The following COQ8A variants were observed in gnomAD, a reference collection of about 807,000 sequenced individuals.
COQ8A encodes coenzyme Q8A, also known as atypical kinase COQ8A, mitochondrial.
A neutral mutation model predicts 65.0 loss-of-function variants in COQ8A; 51 were observed. The ratio of observed to expected loss-of-function variants is 0.78; its 90% CI spans 0.63 to 0.99. The LOEUF is 0.99. Among genes scored for constraint, COQ8A ranks in the 50% least tolerant of loss-of-function variants. The probability of loss-of-function intolerance (pLI) is 0.00; values close to 1 mark genes in which losing one functional copy is unlikely to be tolerated. For synonymous variants in COQ8A, 371 were observed against 353.2 expected, an observed-to-expected ratio of 1.05 and a Z score of -0.57; for missense variants, 940 against 875.0, an observed-to-expected ratio of 1.07 and a Z score of -0.94.
intron 13 of COQ8A, 98 bp downstream of exon 13, chr1:226,985,039 C>T: frequency 2.0e-6 from 3 of 1,475,304 alleles, no homozygotes; most frequent in South Asian, 1.1e-5. Flanking sequence ...GGTTCCTGCC[C>T]TTGTGTCCCC....
intron 1 of COQ8A, among the ~76,000 whole-genome samples, chr1:226,951,414 C>T (rs1657375633): frequency 6.6e-6 from 1 of 152,132 alleles, no homozygotes; most frequent in Admixed American, 6.5e-5. Flanking sequence ...CCCCTCCCAG[C>T]CCCCCAGGCC....
At chr1:226,973,060 G>A (rs1485529446) in intron 4 of COQ8A, among the ~76,000 whole-genome samples, 1 of 152,216 alleles carries the variant, frequency 6.6e-6, no homozygotes, top group Non-Finnish European at 1.5e-5. Flanking sequence ...CAACAGCACT[G>A]TGTGCCCTAA....
In COQ8A at chr1:226,984,905, G is replaced by A; in HGVS notation, c.1536G>A (p.Arg512=). 2.5e-6 allele frequency: 4 copies of A among 1,614,060 alleles called. No individual in the cohort carries two copies. Among genetic ancestry groups the A allele is most frequent in the Non-Finnish European group, 2.5e-6 (3 of 1,180,000 alleles). The part of the protein sequence containing the change: ...KVALLDFGAT[R]EYDRSFTDLY... ...CTCTTTTGGATTTTGGGGCAACGCG[G>A]GAATATGACAGATCCTTCACCGACC... The change falls in exon 13 of 15, where the codon CGG becomes CGA. Residue 512 remains arginine (R), a synonymous_variant. Transcript: ENST00000366777.
intron 1 of COQ8A, among the ~76,000 whole-genome samples, chr1:226,953,502 A>AG (rs1382388965): frequency 6.6e-6 from 1 of 152,182 alleles, no homozygotes; most frequent in African/African-American, 2.4e-5. Flanking sequence ...GGAGAAGGGG[A>AG]GAGGGGACTT....
At position 226,987,056 on chromosome 1, in the gene COQ8A, G is replaced by A; in HGVS notation, c.*319G>A. The A allele has an allele frequency of 2.4e-6, 1 of 425,190 alleles. No homozygotes were observed. The highest frequency in any genetic ancestry group is 4.4e-6 in the Non-Finnish European group (1 of 228,338). 26.3% of individuals were successfully genotyped at this position (425,190 alleles called of 1,614,324 possible). On this transcript the variant is annotated 3_prime_UTR_variant, in exon 15 of 15. Transcript: ENST00000366777. The stretch of plus-strand genomic sequence containing the variant: ...GTGAATGTTAAGCAGAAGGGAGAGA[G>A]TCCTTACTCCCTTCCAATCTCTGTT...
At chr1:226,953,837 G>A (rs1657529925) in intron 1 of COQ8A, among the ~76,000 whole-genome samples, 1 of 152,222 alleles carries the variant, frequency 6.6e-6, no homozygotes, top group Non-Finnish European at 1.5e-5. Context: ...CATAAAGACT[G>A]AGGTGAAGGT....
At chr1:226,958,846 C>A (rs1657981036) in intron 1 of COQ8A, among the ~76,000 whole-genome samples, 1 of 152,172 alleles carries the variant, frequency 6.6e-6, no homozygotes, top group African/African-American at 2.4e-5. Flanking sequence ...GCGAGACCCC[C>A]AAAACGTGCT....
rs2009053 is a variant in COQ8A at position 226,947,553 on chromosome 1, T to A, written c.-10+7154T>A. Among the ~76,000 whole-genome samples the A allele has an allele frequency of 2.6e-3, 389 of 152,254 alleles. 12 individuals carry two copies. The East Asian group carries it at 0.061, about 24-fold the overall frequency. On this transcript the variant is annotated intron_variant, in intron 1 of 14. Transcript: ENST00000366777. The stretch of plus-strand genomic sequence containing the variant: ...CAGGCACGGTGACTCACACCTATAA[T>A]CCCAGCACTTTGGGAGGCCGAGGTG...
At position 226,985,297 on chromosome 1, in the gene COQ8A, C is replaced by T. The variant is rs1254102582; in HGVS notation, c.1616C>T (p.Ala539Val). ...AADRDRETVR[A>V]KSIEMKFLTG... is the part of the protein sequence containing the mutation. ...GACAGGGACAGGGAGACTGTGCGGGCGAAATCCATAGAGATGAAGTTCCTC... is the reference window on the plus strand; with the variant it reads ...GACAGGGACAGGGAGACTGTGCGGGTGAAATCCATAGAGATGAAGTTCCTC... The change falls in exon 14 of 15, where the codon GCG (alanine) becomes GTG (valine). Residue 539 changes from alanine to valine, a missense_variant. Transcript: ENST00000366777. The T allele has an allele frequency of 6.8e-6, 11 of 1,613,744 alleles. No homozygotes were observed. The highest frequency in any genetic ancestry group is 2.2e-5 in the East Asian group (1 of 44,880).
chr1:226,956,956 A>ACACTCTCCCTGGCTGC (rs1657818855), intron 1 of COQ8A, among the ~76,000 whole-genome samples: 1 of 77,370 alleles, frequency 1.3e-5, no homozygotes, highest in Non-Finnish European at 2.5e-5. Context: ...TCCCTGGTTC[A>ACACTCTCCCTGGCTGC]CACTCTCCCT....
At chr1:226,961,589 T>G (rs774758760) in intron 2 of COQ8A, 27 bp downstream of exon 2, 4 of 1,594,416 alleles carry the variant, frequency 2.5e-6, no homozygotes, top group Non-Finnish European at 3.4e-6. Flanking sequence ...GTGGGAGGGG[T>G]GCTGGCAGGA....
In COQ8A at chr1:226,984,584, C is replaced by CTGTT; in HGVS notation, c.1436_1439dup (p.Glu481ValfsTer18). ...CATCCTGGTTCTGTGCCTGAGGGAG[C>CTGTT]TGTTCGAGTTCCACTTCATGCAAAC... On this transcript the variant is annotated frameshift_variant, in exon 12 of 15. Coordinates refer to ENST00000366777, the MANE Select transcript of COQ8A (RefSeq NM_020247.5). LOFTEE classifies it high-confidence loss of function. 1 of 1,614,140 alleles carries CTGTT rather than the reference C, an allele frequency of 6.2e-7. No homozygotes were observed. The highest frequency in any genetic ancestry group is 2.2e-5 in the East Asian group (1 of 44,876).
intron 4 of COQ8A, among the ~76,000 whole-genome samples, chr1:226,971,990 TC>T (rs1366935819): frequency 6.6e-6 from 1 of 152,250 alleles, no homozygotes; most frequent in Non-Finnish European, 1.5e-5. Context: ...ATCTTTTCCC[TC>T]TGTCCCCTGT....
rs1317794163 is a variant in COQ8A, at chr1:226,972,954, G to A, written c.656-4495G>A. ...ACAGTATCACTTGGTTTCTGGACAC[G>A]GTTCGAGACCTGGCTGTGGCTTGCT... On this transcript the variant is annotated intron_variant, in intron 4 of 14. Coordinates refer to ENST00000366777, the MANE Select transcript of COQ8A (RefSeq NM_020247.5). This position sits in a 1 kb window ranked among gnomAD's most constrained non-coding sequence, Gnocchi z 4.3. Among the ~76,000 whole-genome samples the A allele has an allele frequency of 1.3e-5, 2 of 152,350 alleles. No homozygotes were observed. Among genetic ancestry groups the A allele is most frequent in the Middle Eastern group, 3.4e-3 (1 of 294 alleles).
At chr1:226,986,349 G>C in intron 14 of COQ8A, 104 bp from the exon 15 acceptor site, 1 of 1,306,870 alleles carries the variant, frequency 7.7e-7, no homozygotes, top group Non-Finnish European at 1.1e-6. Flanking sequence ...GTTTACAGCA[G>C]AGCTTTGAAT....
intron 5 of COQ8A, 121 bp from the exon 6 acceptor site, chr1:226,981,906 G>A: frequency 2.0e-6 from 3 of 1,470,124 alleles, no homozygotes; most frequent in Non-Finnish European, 2.8e-6. Context: ...TTATGTTGCT[G>A]GTTTTATGGA....
At chr1:226,961,653 T>G in intron 2 of COQ8A, 91 bp downstream of exon 2, 3 of 1,440,208 alleles carry the variant, frequency 2.1e-6, no homozygotes, top group Middle Eastern at 2.5e-4. Context: ...CCATGGCAAC[T>G]GGTCTTTGGT....
Position 226,977,435 on chromosome 1 carries a change from C to T in COQ8A, c.656-14C>T. 2 of 1,555,640 alleles carry T rather than the reference C, an allele frequency of 1.3e-6. No homozygotes were observed. Among genetic ancestry groups the T allele is most frequent in the Non-Finnish European group, 1.7e-6 (2 of 1,149,852 alleles). On this transcript the variant is annotated splice_polypyrimidine_tract_variant and intron_variant, in intron 4 of 14. Transcript: ENST00000366777. ...CTGCGTGAGCACTGAGTGCCCGCCC[C>T]CTCCTCCTTGCAGGTCTGGCCGTGG...
At chr1:226,957,607 AG>A (rs1657886840) in intron 1 of COQ8A, among the ~76,000 whole-genome samples, 1 of 152,182 alleles carries the variant, frequency 6.6e-6, no homozygotes, top group African/African-American at 2.4e-5. Context: ...GGAGTGTATA[AG>A]GGATCCTCAG....
Sources: gnomAD v4.1 joint callset for allele counts (sites outside exome capture counted in the v4.1 genomes callset) on GRCh38, gnomAD v4.1.1 for gene constraint, Gnocchi (gnomAD v3.1) non-coding constraint, MANE v1.5 for transcripts, NCBI Gene and HGNC (gene_info 2026-07-23, HGNC 2026-07-21) for gene names.